The following BCKDHB variants were observed in gnomAD, a reference collection of about 807,000 sequenced individuals.
The protein encoded by BCKDHB is branched chain keto acid dehydrogenase E1 subunit beta, also known as 2-oxoisovalerate dehydrogenase subunit beta, mitochondrial.
A neutral mutation model predicts 48.5 loss-of-function variants in BCKDHB; 41 were observed. That is an observed-to-expected ratio of 0.85 (90% confidence interval 0.66 to 1.10). BCKDHB has a LOEUF of 1.10. Among genes scored for constraint, BCKDHB ranks in the 50% least tolerant of loss-of-function variants. BCKDHB has a pLI of 0.00. For missense variants in BCKDHB, 496 were observed against 494.2 expected (o/e 1.00, Z -0.03); for synonymous variants, 201 against 174.8 (o/e 1.15, Z -1.18).
the BCKDHB span, among the ~76,000 whole-genome samples, chr6:80,449,767 CATTA>C: frequency 6.6e-6 from 1 of 152,226 alleles, no homozygotes; most frequent in East Asian, 1.9e-4. Flanking sequence ...TATAACTAGC[CATTA>C]ATCCATATGA....
chr6:80,112,131 A>G (rs1769442814), intron 1 of BCKDHB, among the ~76,000 whole-genome samples: 1 of 152,224 alleles, frequency 6.6e-6, no homozygotes, highest in Non-Finnish European at 1.5e-5. Flanking sequence ...TAGACACAAC[A>G]TATAACAGTA....
intron 3 of BCKDHB, among the ~76,000 whole-genome samples, chr6:80,153,522 T>C (rs1662616866): frequency 6.6e-6 from 1 of 152,174 alleles, no homozygotes. Flanking sequence ...TTAAAGACCA[T>C]GCAACGTCCT....
At chr6:80,160,425 T>C (rs1487657155) in intron 3 of BCKDHB, among the ~76,000 whole-genome samples, 2 of 152,222 alleles carry the variant, frequency 1.3e-5, no homozygotes, top group African/African-American at 2.4e-5. Context: ...CTCGAAGTGC[T>C]GGGATTACAG....
intron 1 of BCKDHB, among the ~76,000 whole-genome samples, chr6:80,126,869 A>G (rs1368620645): frequency 6.6e-6 from 1 of 152,176 alleles, no homozygotes; most frequent in Non-Finnish European, 1.5e-5. Flanking sequence ...CCAGAACCTA[A>G]CAATGAATAG....
chr6:80,419,267 G>C, the BCKDHB span, among the ~76,000 whole-genome samples: 4,989 of 152,268 alleles, frequency 0.033, 281 homozygotes, highest in African/African-American at 0.11. Context: ...GGGCTGTTGC[G>C]TGGCTTTAGG....
intron 9 of BCKDHB, among the ~76,000 whole-genome samples, chr6:80,340,958 T>C (rs1254153515): frequency 1.3e-5 from 2 of 152,228 alleles, no homozygotes; most frequent in Non-Finnish European, 2.9e-5. Flanking sequence ...AGCTGCTTAA[T>C]TGACCTAAGG....
intron 3 of BCKDHB, among the ~76,000 whole-genome samples, chr6:80,140,647 A>T (rs1771153335): frequency 6.6e-6 from 1 of 152,002 alleles, no homozygotes; most frequent in South Asian, 2.1e-4. Flanking sequence ...CATCCCAGGG[A>T]TGAAGCCCAC....
chr6:80,121,159 G>C (rs1329024136), intron 1 of BCKDHB, among the ~76,000 whole-genome samples: 1 of 152,198 alleles, frequency 6.6e-6, no homozygotes, highest in East Asian at 1.9e-4. Context: ...GTTTATTAAA[G>C]ATCAGATGGT....
chr6:80,170,987 G>T (rs1175225550), intron 5 of BCKDHB, among the ~76,000 whole-genome samples: 1 of 152,068 alleles, frequency 6.6e-6, no homozygotes, highest in Non-Finnish European at 1.5e-5. Context: ...TTGCTTTGAT[G>T]AATGATCTTT....
Position 80,344,072 on chromosome 6 carries a change from C to T in BCKDHB, c.*268C>T, listed in dbSNP as rs963504792. ...CTAGACTGCAGTGGTGCAATCTCAGCTCACTGCAACCTCCCCCCTACCCCT... is the reference window on the plus strand; with the variant it reads ...CTAGACTGCAGTGGTGCAATCTCAGTTCACTGCAACCTCCCCCCTACCCCT... On this transcript the variant is annotated 3_prime_UTR_variant, in exon 10 of 10. Coordinates refer to ENST00000320393, the MANE Select transcript of BCKDHB (RefSeq NM_183050.4). 14 of 448,076 alleles carry T rather than the reference C, an allele frequency of 3.1e-5. No individual in the cohort carries two copies. The highest frequency in any genetic ancestry group is 5.8e-5 in the Non-Finnish European group (14 of 243,300). 27.8% of individuals were successfully genotyped at this position (448,076 alleles called of 1,614,324 possible). A position where few individuals can be genotyped will look rare whatever the true frequency, so the allele number is the denominator to read the frequency against.
intron 9 of BCKDHB, among the ~76,000 whole-genome samples, chr6:80,285,070 C>A (rs2127978804): frequency 6.6e-6 from 1 of 152,204 alleles, no homozygotes; most frequent in East Asian, 1.9e-4. Flanking sequence ...CTTAATCTTG[C>A]CTTTTCAGCT....
the BCKDHB span, among the ~76,000 whole-genome samples, chr6:80,387,197 G>T: frequency 6.6e-6 from 1 of 152,174 alleles, no homozygotes; most frequent in African/African-American, 2.4e-5. Context: ...AGTGGGTCCA[G>T]TGGGTTCCTG....
chr6:80,374,127 A>G, the BCKDHB span: 1 of 709,826 alleles, frequency 1.4e-6, no homozygotes, highest in Non-Finnish European at 2.6e-6. Context: ...AGTAAGGCTC[A>G]TCTCAATGTG....
At chr6:80,426,373 G>A in the BCKDHB span, among the ~76,000 whole-genome samples, 1 of 151,650 alleles carries the variant, frequency 6.6e-6, no homozygotes, top group Admixed American at 6.6e-5. Flanking sequence ...CTTTTATTTG[G>A]GTTTAACTTG....
chr6:80,279,293 A>G (rs1227130523), intron 9 of BCKDHB, among the ~76,000 whole-genome samples: 3 of 151,892 alleles, frequency 2.0e-5, no homozygotes, highest in Non-Finnish European at 4.4e-5. Flanking sequence ...AGCTGTAATT[A>G]CAGGTACCTG....
At chr6:80,155,547 A>G (rs2127759321) in intron 3 of BCKDHB, among the ~76,000 whole-genome samples, 1 of 152,282 alleles carries the variant, frequency 6.6e-6, no homozygotes, top group South Asian at 2.1e-4. Flanking sequence ...AAGGTTTTCA[A>G]TAGCACTAGG....
At chr6:80,200,063 C>CA (rs55737130) in intron 6 of BCKDHB, among the ~76,000 whole-genome samples, 8,070 of 32,498 alleles carry the variant, frequency 0.25, 1,500 homozygotes, top group African/African-American at 0.31. Flanking sequence ...GACCCTGTCT[C>CA]AAAAAAAAAA....
intron 8 of BCKDHB, among the ~76,000 whole-genome samples, chr6:80,241,317 AAGG>A (rs914194855): frequency 3.3e-5 from 5 of 152,158 alleles, no homozygotes; most frequent in African/African-American, 9.7e-5. Flanking sequence ...CGATCCTTTG[AAGG>A]AGAAGAGGCA....
intron 9 of BCKDHB, among the ~76,000 whole-genome samples, chr6:80,273,992 G>T (rs1777863415): frequency 6.6e-6 from 1 of 151,974 alleles, no homozygotes; most frequent in Non-Finnish European, 1.5e-5. Flanking sequence ...TATCTTCGCA[G>T]TTTGCAAACA....
Sources: allele counts gnomAD v4.1 joint callset (sites outside exome capture counted in the v4.1 genomes callset), GRCh38; gene constraint gnomAD v4.1.1; transcripts MANE v1.5; gene names NCBI Gene and HGNC (gene_info 2026-07-23, HGNC 2026-07-21).